KIF26B: variants seen among roughly 807,000 people sequenced by gnomAD.
KIF26B encodes kinesin family member 26B.
In KIF26B, 63 loss-of-function variants were observed where a neutral mutation model predicts 151.2. The ratio of observed to expected loss-of-function variants is 0.42; its 90% CI spans 0.34 to 0.51. The LOEUF (loss-of-function observed/expected upper bound fraction) is 0.51. KIF26B is among the 20% of genes least tolerant of loss of function. The pLI is 0.07. For missense variants in KIF26B, 2,813 were observed against 2,913.6 expected (o/e 0.97, Z 0.79); for synonymous variants, 1,357 against 1,262.1 (o/e 1.08, Z -1.59).
At chr1:245,513,588 C>A (rs2103085451) in intron 4 of KIF26B, among the ~76,000 whole-genome samples, 1 of 152,292 alleles carries the variant, frequency 6.6e-6, no homozygotes, top group East Asian at 1.9e-4. Flanking sequence ...GAAAGCTTTG[C>A]TTGAGATCCA....
At position 245,686,279 on chromosome 1, in the gene KIF26B, C is replaced by T. The variant is rs749397965; in HGVS notation, c.3296C>T (p.Pro1099Leu). The change falls in exon 12 of 15, where the codon CCG (proline) becomes CTG (leucine). Residue 1099 changes from proline to leucine, a missense_variant. By Grantham distance (98) the Pro-to-Leu change is moderately conservative (BLOSUM62 -3). Coordinates refer to ENST00000407071, the MANE Select transcript of KIF26B (RefSeq NM_018012.4). This position sits in a 1 kb window ranked among gnomAD's most constrained non-coding sequence, Gnocchi z 5.6. ...CKVYTQKGVL[P>L]SPAPLPPSSK... ...GTCTACACCCAGAAGGGGGTCCTGC[C>T]GTCTCCCGCCCCACTGCCTCCCTCG... 7.8e-5 allele frequency: 126 copies of T among 1,612,956 alleles called. 2 individuals are homozygous for T. The highest frequency in any genetic ancestry group is 3.3e-4 in the African/African-American group (25 of 75,050).
At chr1:245,274,807 T>C (rs1332724314) in intron 2 of KIF26B, among the ~76,000 whole-genome samples, 3 of 151,578 alleles carry the variant, frequency 2.0e-5, no homozygotes, top group Non-Finnish European at 4.4e-5. Context: ...ATCTTTATAG[T>C]AGAATGATTT....
intron 2 of KIF26B, among the ~76,000 whole-genome samples, chr1:245,163,350 C>T (rs1573681124): frequency 6.6e-6 from 1 of 152,164 alleles, no homozygotes; most frequent in African/African-American, 2.4e-5. Context: ...CCATGTTGTC[C>T]AGGCTGGTCT....
chr1:245,612,203 G>A (rs2043535277), intron 9 of KIF26B, among the ~76,000 whole-genome samples: 1 of 151,914 alleles, frequency 6.6e-6, no homozygotes. Flanking sequence ...TCAAACTCCT[G>A]GGCTCAAGTG....
chr1:245,684,764 C>T (rs2044487776), intron 11 of KIF26B, among the ~76,000 whole-genome samples: 1 of 152,216 alleles, frequency 6.6e-6, no homozygotes. Flanking sequence ...GAGACTGTGT[C>T]CTTCGAAGGC....
At chr1:245,164,686 C>G (rs985756620) in intron 2 of KIF26B, among the ~76,000 whole-genome samples, 1 of 152,148 alleles carries the variant, frequency 6.6e-6, no homozygotes, top group Non-Finnish European at 1.5e-5. Context: ...GATGAAAGGC[C>G]TTGTAGGCTA....
intron 9 of KIF26B, among the ~76,000 whole-genome samples, chr1:245,638,208 ACTT>A (rs1274668318): frequency 1.3e-5 from 2 of 151,490 alleles, no homozygotes. Context: ...GAGATCTTTC[ACTT>A]CTTTGGTTGA....
chr1:245,470,225 G>A (rs916835422), intron 4 of KIF26B, among the ~76,000 whole-genome samples: 1 of 152,030 alleles, frequency 6.6e-6, no homozygotes, highest in Non-Finnish European at 1.5e-5. Flanking sequence ...GATTTTAAGT[G>A]CCAGGGGCCT....
intron 4 of KIF26B, among the ~76,000 whole-genome samples, chr1:245,492,396 C>T (rs1660426734): frequency 6.6e-6 from 1 of 152,190 alleles, no homozygotes; most frequent in African/African-American, 2.4e-5. Context: ...AAGAGGTTCT[C>T]TTAAATACAG....
chr1:245,660,212 A>G (rs1268218584), intron 10 of KIF26B, among the ~76,000 whole-genome samples: 3 of 50,462 alleles, frequency 5.9e-5, no homozygotes, highest in Non-Finnish European at 1.2e-4. Flanking sequence ...AGCTTGAATT[A>G]CTGAAACTGC....
At chr1:245,206,983 G>T (rs1345251409) in intron 2 of KIF26B, among the ~76,000 whole-genome samples, 1 of 152,074 alleles carries the variant, frequency 6.6e-6, no homozygotes, top group Admixed American at 6.5e-5. Flanking sequence ...GTCTGAATTA[G>T]CATGATGATA....
intron 2 of KIF26B, among the ~76,000 whole-genome samples, chr1:245,261,141 CTT>C (rs1336568036): frequency 6.7e-6 from 1 of 149,974 alleles, no homozygotes; most frequent in Non-Finnish European, 1.5e-5. Context: ...CTCTTTCTCT[CTT>C]TCTTTCTTTC....
chr1:245,355,748 C>T (rs1230494397), intron 2 of KIF26B, among the ~76,000 whole-genome samples: 1 of 152,154 alleles, frequency 6.6e-6, no homozygotes, highest in Admixed American at 6.5e-5. Flanking sequence ...TTATCATTGT[C>T]TTGAATTATT....
rs530493884 is a variant in KIF26B at position 245,586,747 on chromosome 1, G to A, written c.1351-15830G>A. Reference sequence around the variant, plus strand: ...AAAAAATACAAAAAATTAGCCGGGCGCGGTGGCGGGCGCCTGTAGTCCCAG... The same window carrying A: ...AAAAAATACAAAAAATTAGCCGGGCACGGTGGCGGGCGCCTGTAGTCCCAG... On this transcript the variant is annotated intron_variant, in intron 5 of 14. Transcript: ENST00000407071. 5.9e-5 allele frequency among the ~76,000 whole-genome samples: 9 copies of A among 151,562 alleles called. No homozygotes were observed. In the South Asian group the frequency reaches 6.3e-4, roughly 11 times the overall value.
intron 4 of KIF26B, 149 bp downstream of exon 4, chr1:245,419,894 G>A (rs1345878575): frequency 2.6e-6 from 2 of 772,768 alleles, no homozygotes; most frequent in East Asian, 2.6e-5. Context: ...CCATGGCACT[G>A]TGACCTCTCG....
chr1:245,680,818 T>C (rs929426069), intron 10 of KIF26B, among the ~76,000 whole-genome samples: 2 of 152,244 alleles, frequency 1.3e-5, no homozygotes, highest in African/African-American at 4.8e-5. Flanking sequence ...AGTCGCCAGA[T>C]GCACGCGTTC....
chr1:245,465,071 C>G (rs1462917558), intron 4 of KIF26B, among the ~76,000 whole-genome samples: 1 of 147,150 alleles, frequency 6.8e-6, no homozygotes, highest in Non-Finnish European at 1.5e-5. Context: ...CTCCGCCTCC[C>G]GGGTTCACGC....
chr1:245,663,558 A>G (rs1412638411), intron 10 of KIF26B, among the ~76,000 whole-genome samples: 1 of 151,852 alleles, frequency 6.6e-6, no homozygotes, highest in African/African-American at 2.4e-5. Context: ...TCTGGGGGCT[A>G]CTCATTTTCA....
chr1:245,179,049 G>A (rs981772621), intron 2 of KIF26B, among the ~76,000 whole-genome samples: 2 of 151,704 alleles, frequency 1.3e-5, no homozygotes, highest in Non-Finnish European at 2.9e-5. Context: ...GATATTCTAA[G>A]CATTAGAGAT....
Sources: gnomAD v4.1 joint callset for allele counts (sites outside exome capture counted in the v4.1 genomes callset) on GRCh38, gnomAD v4.1.1 for gene constraint, Gnocchi (gnomAD v3.1) non-coding constraint, MANE v1.5 for transcripts, NCBI Gene and HGNC (gene_info 2026-07-23, HGNC 2026-07-21) for gene names.